PLCL1: variants seen among roughly 807,000 people sequenced by gnomAD.
The protein encoded by PLCL1 is inactive phospholipase C-like protein 1.
PLCL1 carries 41 observed loss-of-function variants against 84.4 expected under a neutral mutation model. The observed-to-expected ratio is 0.49, with a 90% CI of 0.38 to 0.63. The LOEUF (loss-of-function observed/expected upper bound fraction) is 0.63, where lower values mean the gene tolerates loss of function less well. Among genes scored for constraint, PLCL1 ranks in the 30% least tolerant of loss-of-function variants. The probability of loss-of-function intolerance (pLI) is 0.00; values close to 1 mark genes in which losing one functional copy is unlikely to be tolerated. For synonymous variants in PLCL1, 490 were observed against 488.3 expected (o/e 1.00, Z -0.05); for missense variants, 1,206 against 1,367.8 (o/e 0.88, Z 1.87).
chr2:198,089,562 G>T (rs1315221006), intron 3 of PLCL1, among the ~76,000 whole-genome samples: 1 of 152,178 alleles, frequency 6.6e-6, no homozygotes, highest in Non-Finnish European at 1.5e-5. Context: ...ATGAAAAGAT[G>T]TAAGACATAG....
At chr2:197,893,696 AAGTT>A (rs1255889591) in intron 1 of PLCL1, among the ~76,000 whole-genome samples, 15 of 149,342 alleles carry the variant, frequency 1.0e-4, no homozygotes, top group Admixed American at 1.0e-3. Flanking sequence ...AACCCAAAGA[AAGTT>A]AGGTGCTTAA....
At chr2:197,832,574 C>G (rs548907808) in intron 1 of PLCL1, among the ~76,000 whole-genome samples, 125 of 152,256 alleles carry the variant, frequency 8.2e-4, no homozygotes, top group African/African-American at 2.9e-3. Flanking sequence ...ACCAGAGATA[C>G]AAAGAGGAGT....
rs1694563047 is a variant in PLCL1, at chr2:198,147,842, C to T, written c.*880C>T. On this transcript the variant is annotated 3_prime_UTR_variant, in exon 6 of 6. Transcript: ENST00000428675. ...TCTTCCAAGCTGAGAGTCTAGCACT[C>T]ATTTTCTATAACAGATATGGCAGCT... The T allele has an allele frequency of 6.6e-6, 1 of 152,240 alleles. No individual in the cohort carries two copies. The highest frequency in any genetic ancestry group is 1.5e-5 in the Non-Finnish European group (1 of 68,022). 9.4% of individuals were successfully genotyped at this position (152,240 alleles called of 1,614,324 possible). A position where few individuals can be genotyped will look rare whatever the true frequency, so the allele number is the denominator to read the frequency against.
chr2:198,097,871 A>G (rs1167659333), intron 3 of PLCL1, among the ~76,000 whole-genome samples: 2 of 152,214 alleles, frequency 1.3e-5, no homozygotes, highest in African/African-American at 2.4e-5. Context: ...TTGTTTCTGT[A>G]TGACCGAGAG....
intron 5 of PLCL1, among the ~76,000 whole-genome samples, chr2:198,119,454 C>G (rs1382146954): frequency 6.6e-6 from 1 of 151,878 alleles, no homozygotes; most frequent in Non-Finnish European, 1.5e-5. Flanking sequence ...TTCTCCAGGC[C>G]CTCAGTTCTG....
At chr2:198,110,065 G>C (rs1046977778) in intron 5 of PLCL1, among the ~76,000 whole-genome samples, 9 of 151,666 alleles carry the variant, frequency 5.9e-5, no homozygotes, top group Non-Finnish European at 8.8e-5. Flanking sequence ...GACTTTCATT[G>C]ATTACTTGTT....
intron 1 of PLCL1, among the ~76,000 whole-genome samples, chr2:197,993,676 C>T (rs771562335): frequency 4.6e-5 from 7 of 152,100 alleles, no homozygotes; most frequent in Admixed American, 1.3e-4. Flanking sequence ...CAGAAGCTGT[C>T]AACTTCTCTA....
chr2:198,052,541 A>G (rs993515161), intron 1 of PLCL1, among the ~76,000 whole-genome samples: 4 of 151,824 alleles, frequency 2.6e-5, no homozygotes, highest in African/African-American at 9.7e-5. Context: ...AAAAAAAACC[A>G]TTACCTTACA....
At chr2:197,929,135 T>C (rs1688885113) in intron 1 of PLCL1, among the ~76,000 whole-genome samples, 1 of 152,202 alleles carries the variant, frequency 6.6e-6, no homozygotes, top group Admixed American at 6.6e-5. Flanking sequence ...GGCCAGTCAT[T>C]TTCTAGCCTC....
chr2:197,955,948 G>T (rs2105785685), intron 1 of PLCL1, among the ~76,000 whole-genome samples: 1 of 151,470 alleles, frequency 6.6e-6, no homozygotes, highest in Admixed American at 6.6e-5. Context: ...TTAGGTATTT[G>T]TCATAATGCT....
At chr2:198,016,902 C>T (rs970844947) in intron 1 of PLCL1, among the ~76,000 whole-genome samples, 4 of 152,182 alleles carry the variant, frequency 2.6e-5, no homozygotes, top group Non-Finnish European at 5.9e-5. Flanking sequence ...AATGCTTATA[C>T]TGCCACTTCT....
chr2:197,969,554 A>T (rs1295273546), intron 1 of PLCL1, among the ~76,000 whole-genome samples: 1 of 152,128 alleles, frequency 6.6e-6, no homozygotes, highest in Non-Finnish European at 1.5e-5. Flanking sequence ...TGTGTTGTAG[A>T]TCTAGCTATC....
intron 1 of PLCL1, among the ~76,000 whole-genome samples, chr2:197,880,655 G>A (rs548716047): frequency 2.3e-4 from 35 of 152,236 alleles, no homozygotes; most frequent in Middle Eastern, 3.4e-3. Flanking sequence ...CTAGAGTCTA[G>A]AATGAACAAC....
chr2:197,880,853 T>A lies in PLCL1; in HGVS notation c.240+75514T>A, dbSNP rs568594737. Among the ~76,000 whole-genome samples the A allele has an allele frequency of 1.6e-4, 24 of 152,286 alleles. No homozygotes were observed. The South Asian group carries it at 4.8e-3, about 30-fold the overall frequency. On this transcript the variant is annotated intron_variant, in intron 1 of 5. Transcript: ENST00000428675. Reference sequence around the variant, plus strand: ...ACAGTTTTTGTCTTCTTTTAGGCAGTTGCCTTACCTTTATTAGTGCCTGAC... The same window carrying A: ...ACAGTTTTTGTCTTCTTTTAGGCAGATGCCTTACCTTTATTAGTGCCTGAC...
chr2:198,117,334 T>A (rs548516510), intron 5 of PLCL1, among the ~76,000 whole-genome samples: 308 of 52,158 alleles, frequency 5.9e-3, no homozygotes, highest in African/African-American at 0.01. Flanking sequence ...TCTGTTTTTT[T>A]TTTCTTTTTT....
At chr2:197,806,140 G>T (rs1365696047) in intron 1 of PLCL1, among the ~76,000 whole-genome samples, 4 of 152,130 alleles carry the variant, frequency 2.6e-5, no homozygotes, top group African/African-American at 9.7e-5. Context: ...GGTTATTTAG[G>T]AAAGAACCCT....
At chr2:197,989,423 G>T (rs1690291637) in intron 1 of PLCL1, among the ~76,000 whole-genome samples, 1 of 152,282 alleles carries the variant, frequency 6.6e-6, no homozygotes, top group Non-Finnish European at 1.5e-5. Flanking sequence ...ATTTGAACTA[G>T]ATCTGAGGGG....
chr2:197,879,282 T>G (rs1224096679), intron 1 of PLCL1, among the ~76,000 whole-genome samples: 4 of 152,162 alleles, frequency 2.6e-5, no homozygotes, highest in African/African-American at 9.7e-5. Context: ...AATCTAATAA[T>G]TTTCAGGTTC....
chr2:198,109,068 C>T (rs1216833315), intron 5 of PLCL1, among the ~76,000 whole-genome samples: 4 of 151,810 alleles, frequency 2.6e-5, no homozygotes, highest in Non-Finnish European at 4.4e-5. Flanking sequence ...CCATGATGTC[C>T]TTCTTGTGCT....
Sources: allele counts gnomAD v4.1 joint callset (sites outside exome capture counted in the v4.1 genomes callset), GRCh38; gene constraint gnomAD v4.1.1; transcripts MANE v1.5; gene names NCBI Gene and HGNC (gene_info 2026-07-23, HGNC 2026-07-21).